COL9A3: variants seen among roughly 807,000 people sequenced by gnomAD.
COL9A3 encodes collagen type IX alpha 3 chain.
In COL9A3, 82 loss-of-function variants were observed where a neutral mutation model predicts 110.2. The ratio of observed to expected loss-of-function variants is 0.74; its 90% CI spans 0.62 to 0.89. The LOEUF is 0.89. Among genes scored for constraint, COL9A3 ranks in the 40% least tolerant of loss-of-function variants. The pLI, the probability that COL9A3 is intolerant of heterozygous loss-of-function variation, is 0.00. For synonymous variants in COL9A3, 494 were observed against 403.8 expected (o/e 1.22, Z -2.68); for missense variants, 1,066 against 981.3 (o/e 1.09, Z -1.15).
At chr20:62,834,297 G>A (rs1019708275) in intron 26 of COL9A3, among the ~76,000 whole-genome samples, 1 of 152,114 alleles carries the variant, frequency 6.6e-6, no homozygotes, top group East Asian at 1.9e-4. Flanking sequence ...GGCGTGAGCC[G>A]CCGTGTCAGG....
In COL9A3 at chr20:62,819,206, C is replaced by T; in HGVS notation, c.184-16C>T. The T allele has an allele frequency of 6.2e-7, 1 of 1,612,366 alleles. No homozygotes were observed. Among genetic ancestry groups the T allele is most frequent in the South Asian group, 1.1e-5 (1 of 91,010 alleles). ...CAGACCCCGCCTTCACATCTCTGCC[C>T]TTTCCTCCTGCACAGGGACCAAAGG... On this transcript the variant is annotated splice_polypyrimidine_tract_variant and intron_variant, in intron 3 of 31. Transcript: ENST00000649368.
rs913821857 is a variant in COL9A3 at position 62,840,851 on chromosome 20, GGCC to G, written c.*124_*126del. The G allele has an allele frequency of 1.5e-4, 189 of 1,234,396 alleles. No individual in the cohort carries two copies. Among genetic ancestry groups the G allele is most frequent in the Non-Finnish European group, 2.0e-4 (174 of 865,236 alleles). The allele number at this position is 1,234,396 out of a possible 1,614,324, so 76.5% of individuals were successfully genotyped here. The stretch of plus-strand genomic sequence containing the variant: ...GAGGGAGCGCCCCTGGCTGCCCCTC[GGCC>G]GCCGACTGGACGCGCGGGCCTTGCC... On this transcript the variant is annotated 3_prime_UTR_variant, in exon 32 of 32. Transcript: ENST00000649368.
chr20:62,825,057 G>C (rs2063539619), intron 12 of COL9A3, 36 bp downstream of exon 12: 1 of 1,584,758 alleles, frequency 6.3e-7, no homozygotes, highest in Non-Finnish European at 8.6e-7. Context: ...GAGGAGCTGG[G>C]GACTGGAGGC....
At chr20:62,824,892 A>G in intron 11 of COL9A3, 76 bp from the exon 12 acceptor site, 1 of 1,427,820 alleles carries the variant, frequency 7.0e-7, no homozygotes, top group Non-Finnish European at 9.7e-7. Flanking sequence ...CTGACCCTGC[A>G]GGCCTCACTT....
chr20:62,836,442 GC>G (rs2063636799), intron 28 of COL9A3, 35 bp from the exon 29 acceptor site: 1 of 1,613,436 alleles, frequency 6.2e-7, no homozygotes, highest in Admixed American at 1.7e-5. Flanking sequence ...CGAGGCTGCC[GC>G]CCCCATGCTG....
rs2063602636 is a variant in COL9A3 at position 62,832,262 on chromosome 20, C to G, written c.1323+73C>G. On this transcript the variant is annotated intron_variant, in intron 25 of 31. Transcript: ENST00000649368. ...CAGCTTCTCCCAGGCTCCTCCTGTC[C>G]CGGCTCTGGCCCTGGCTGTGTTTTC... 6 of 1,475,850 alleles carry G rather than the reference C, an allele frequency of 4.1e-6. No homozygotes were observed. In the East Asian group the frequency reaches 9.1e-5, roughly 22 times the overall value. 91.4% of individuals were successfully genotyped at this position (1,475,850 alleles called of 1,614,324 possible). A position where few individuals can be genotyped will look rare whatever the true frequency, so the allele number is the denominator to read the frequency against.
intron 26 of COL9A3, among the ~76,000 whole-genome samples, chr20:62,835,487 G>A (rs1236984265): frequency 3.3e-5 from 5 of 152,222 alleles, no homozygotes; most frequent in African/African-American, 9.6e-5. Context: ...TGCAGTGGCC[G>A]TTCAATTGCA....
chr20:62,819,893 T>G, intron 4 of COL9A3, 36 bp from the exon 5 acceptor site: 1 of 1,612,140 alleles, frequency 6.2e-7, no homozygotes, highest in Non-Finnish European at 8.5e-7. Flanking sequence ...GTGCTTCCCA[T>G]GTGGCCCCTC....
At position 62,818,571 on chromosome 20, in the gene COL9A3, G is replaced by C. The variant is rs1405353058; in HGVS notation, c.183+18G>C. 1.2e-6 allele frequency: 2 copies of C among 1,611,352 alleles called. No homozygotes were observed. The highest frequency in any genetic ancestry group is 3.3e-5 in the Admixed American group (2 of 60,008). On this transcript the variant is annotated intron_variant, in intron 3 of 31. Transcript: ENST00000649368. ...GGCCCCCGGTGAGTGTCCCTGGCTG[G>C]GGAGACAGCCTTTTTCCAGTCTGGA... is the stretch of plus-strand genomic sequence containing the variant.
At chr20:62,820,075 G>A (rs1354654466) in intron 5 of COL9A3, 93 bp downstream of exon 5, 12 of 1,457,636 alleles carry the variant, frequency 8.2e-6, no homozygotes, top group Non-Finnish European at 1.1e-5. Flanking sequence ...CCAAGGAGCT[G>A]GTAGTTCCAA....
intron 30 of COL9A3, among the ~76,000 whole-genome samples, chr20:62,837,863 T>G (rs1697982117): frequency 6.6e-6 from 1 of 151,776 alleles, no homozygotes; most frequent in Admixed American, 6.6e-5. Context: ...ATGCCTGTAA[T>G]CCCAGCACGT....
chr20:62,817,090 C>CGCTCCT lies in COL9A3; in HGVS notation c.43_48dup (p.Leu15_Leu16dup), dbSNP rs1036479876. ...ATGGCCGGGCCGCGCGCGTGCGCCC[C>CGCTCCT]GCTCCTGCTCCTGCTCCTGCTCGGG... On this transcript the variant is annotated inframe_insertion, in exon 1 of 32. Coordinates refer to ENST00000649368, the MANE Select transcript of COL9A3 (RefSeq NM_001853.4). 5.0e-5 allele frequency: 70 copies of CGCTCCT among 1,394,654 alleles called. No homozygotes were observed. Among genetic ancestry groups the CGCTCCT allele is most frequent in the Admixed American group, 1.0e-4 (4 of 39,402 alleles). 86.4% of individuals were successfully genotyped at this position (1,394,654 alleles called of 1,614,324 possible). A position where few individuals can be genotyped will look rare whatever the true frequency, so the allele number is the denominator to read the frequency against.
intron 26 of COL9A3, among the ~76,000 whole-genome samples, chr20:62,834,437 CAGTCGTGAGTCCGAGGGAAGGACGGCCT>C (rs33976250): frequency 0.013 from 2,047 of 152,304 alleles, 56 homozygotes; most frequent in African/African-American, 0.046. Flanking sequence ...ACAAATGGAG[CAGTCGTGAGTCCGAGGGAAGGACGGCCT>C]TTCTGGCTTT....
intron 25 of COL9A3, chr20:62,832,706 T>TGGGTGGGGCCGTGGTCTGGCTGC: frequency 2.8e-6 from 1 of 361,684 alleles, no homozygotes; most frequent in African/African-American, 2.7e-5. Context: ...GTGCCTGCTC[T>TGGGTGGGGCCGTGGTCTGGCTGC]CACTTCTAGG....
intron 31 of COL9A3, among the ~76,000 whole-genome samples, chr20:62,839,804 T>C (rs1312132043): frequency 1.4e-5 from 2 of 138,448 alleles, no homozygotes; most frequent in African/African-American, 5.4e-5. Context: ...AGCCCTGTCC[T>C]CCCCTCCATG....
Position 62,821,535 on chromosome 20 carries a change from G to C in COL9A3, c.369+5G>C, listed in dbSNP as rs2063513319. 6.2e-7 allele frequency: 1 copy of C among 1,612,662 alleles called. No individual in the cohort carries two copies. Among genetic ancestry groups the C allele is most frequent in the East Asian group, 2.2e-5 (1 of 44,840 alleles). On this transcript the variant is annotated splice_donor_5th_base_variant and intron_variant, in intron 7 of 31. Transcript: ENST00000649368. Reference sequence around the variant, plus strand: ...AAAGGCCTCCCTGGACCCCCCGTGAGTACTGACAACCCTTGGGGCCCTGAG... The same window carrying C: ...AAAGGCCTCCCTGGACCCCCCGTGACTACTGACAACCCTTGGGGCCCTGAG...
intron 17 of COL9A3, among the ~76,000 whole-genome samples, chr20:62,828,431 C>G (rs1051201798): frequency 2.0e-5 from 3 of 152,262 alleles, no homozygotes; most frequent in Non-Finnish European, 2.9e-5. Flanking sequence ...GTGGACGAGG[C>G]AGGCCTGGCC....
At chr20:62,840,279 G>GT (rs904900110) in intron 31 of COL9A3, among the ~76,000 whole-genome samples, 34 of 151,602 alleles carry the variant, frequency 2.2e-4, no homozygotes, top group African/African-American at 7.5e-4. Flanking sequence ...CCAAACCCGC[G>GT]TAAGTCAGAG....
At chr20:62,830,273 G>C in intron 22 of COL9A3, 87 bp from the exon 23 acceptor site, 1 of 1,466,242 alleles carries the variant, frequency 6.8e-7, no homozygotes, top group Non-Finnish European at 9.3e-7. Flanking sequence ...ACCCACTCTG[G>C]GGGAAGGCTG....
Sources: allele counts gnomAD v4.1 joint callset (sites outside exome capture counted in the v4.1 genomes callset), GRCh38; gene constraint gnomAD v4.1.1; transcripts MANE v1.5; gene names NCBI Gene and HGNC (gene_info 2026-07-23, HGNC 2026-07-21).